The following ERICH3 variants were observed in gnomAD, a reference collection of about 807,000 sequenced individuals.
ERICH3 encodes the protein glutamate rich 3.
Under a neutral mutation model 131.1 loss-of-function variants are expected in ERICH3, and 126 were observed. The ratio of observed to expected loss-of-function variants is 0.96; its 90% CI spans 0.83 to 1.11. The LOEUF (loss-of-function observed/expected upper bound fraction) is 1.11, where lower values mean the gene tolerates loss of function less well. Ranked by LOEUF, ERICH3 falls within the 50% of genes most tolerant of loss-of-function variation. ERICH3 has a pLI of 0.00. For missense variants in ERICH3, 2,050 were observed against 1,810.7 expected, an observed-to-expected ratio of 1.13 and a Z score of -2.40; for synonymous variants, 695 against 644.6, an observed-to-expected ratio of 1.08 and a Z score of -1.18.
intron 8 of ERICH3, among the ~76,000 whole-genome samples, chr1:74,617,177 A>AC (rs1187642648): frequency 1.3e-5 from 2 of 150,632 alleles, no homozygotes; most frequent in Non-Finnish European, 3.0e-5. Context: ...AAACAAACAA[A>AC]AAAAAAAAAA....
intron 12 of ERICH3, chr1:74,579,462 C>A: frequency 1.0e-6 from 1 of 985,282 alleles, no homozygotes; most frequent in Non-Finnish European, 1.2e-6. Flanking sequence ...CACCACTTGC[C>A]CACGTCTGCT....
intron 4 of ERICH3, among the ~76,000 whole-genome samples, 194 bp downstream of exon 4, chr1:74,642,833 A>G (rs1646447984): frequency 6.6e-6 from 1 of 152,138 alleles, no homozygotes; most frequent in African/African-American, 2.4e-5. Flanking sequence ...TATTTTGTAC[A>G]AACAGCTCCT....
intron 5 of ERICH3, among the ~76,000 whole-genome samples, chr1:74,639,057 G>A (rs1256204117): frequency 6.6e-6 from 1 of 152,034 alleles, no homozygotes; most frequent in African/African-American, 2.4e-5. Flanking sequence ...GCAGGATTTG[G>A]TTTAAAGAAA....
chr1:74,670,499 A>G (rs773614811), intron 1 of ERICH3, among the ~76,000 whole-genome samples: 2 of 152,204 alleles, frequency 1.3e-5, no homozygotes, highest in South Asian at 4.1e-4. Flanking sequence ...CAGCAGAGGA[A>G]CATAAATTGT....
At chr1:74,591,982 T>C (rs1178833606) in intron 11 of ERICH3, 2 of 152,128 alleles carry the variant, frequency 1.3e-5, no homozygotes, top group Admixed American at 1.3e-4. Flanking sequence ...AGATAAAAAA[T>C]ACCTGTCTTT....
chr1:74,583,352 T>C (rs1333471758), intron 12 of ERICH3, among the ~76,000 whole-genome samples: 1 of 152,166 alleles, frequency 6.6e-6, no homozygotes, highest in Non-Finnish European at 1.5e-5. Flanking sequence ...CTTTTTCCTA[T>C]ACATGCCTCC....
At chr1:74,639,699 T>C (rs762609888) in intron 5 of ERICH3, among the ~76,000 whole-genome samples, 3 of 152,178 alleles carry the variant, frequency 2.0e-5, no homozygotes, top group Non-Finnish European at 2.9e-5. Flanking sequence ...ATCGTTTTAA[T>C]GGGAGTGGTA....
intron 11 of ERICH3, among the ~76,000 whole-genome samples, 175 bp from the exon 12 acceptor site, chr1:74,590,255 G>C (rs1471869406): frequency 6.6e-6 from 1 of 152,112 alleles, no homozygotes; most frequent in Non-Finnish European, 1.5e-5. Context: ...TTATACCAGG[G>C]AGTGGTTTCA....
Position 74,571,621 on chromosome 1 carries a change from C to T in ERICH3, c.4089G>A (p.Ser1363=). 4 of 1,614,146 alleles carry T rather than the reference C, an allele frequency of 2.5e-6. No individual in the cohort carries two copies. Among genetic ancestry groups the T allele is most frequent in the Non-Finnish European group, 3.4e-6 (4 of 1,180,016 alleles). ...CTATTGTTTTCTCCTCGGCTGTCTC[C>T]GAACCTGCCAACACCTCCCTCTCCT... ...AAEEREVLAG[S]ETAEEKTIAN... is the part of the protein sequence containing the mutation. The change falls in exon 14 of 15, where the codon TCG becomes TCA. Residue 1363 remains serine (S), a synonymous_variant. Transcript: ENST00000326665.
intron 12 of ERICH3, chr1:74,586,324 T>G (rs1019154985): frequency 1.2e-6 from 1 of 839,090 alleles, no homozygotes; most frequent in African/African-American, 1.9e-5. Context: ...AAATAACATA[T>G]GTATATGTAT....
At chr1:74,643,788 TG>T (rs1316155987) in intron 3 of ERICH3, among the ~76,000 whole-genome samples, 1 of 152,104 alleles carries the variant, frequency 6.6e-6, no homozygotes, top group Admixed American at 6.6e-5. Flanking sequence ...GGGGAGGAGC[TG>T]TAATTTCAAC....
chr1:74,614,687 A>C (rs975025999), intron 8 of ERICH3, among the ~76,000 whole-genome samples: 1 of 151,980 alleles, frequency 6.6e-6, no homozygotes. Flanking sequence ...AAAAAAAAAA[A>C]AAAAACTCTA....
intron 1 of ERICH3, among the ~76,000 whole-genome samples, chr1:74,665,495 C>T (rs914857501): frequency 6.6e-6 from 1 of 152,180 alleles, no homozygotes; most frequent in Non-Finnish European, 1.5e-5. Flanking sequence ...TCAACAGCTA[C>T]AAACAGGTTG....
intron 1 of ERICH3, among the ~76,000 whole-genome samples, chr1:74,658,067 T>C (rs10789399): frequency 0.43 from 65,109 of 151,946 alleles, 15,003 homozygotes; most frequent in Non-Finnish European, 0.52. Flanking sequence ...TGTGAATTAG[T>C]ATTATCTTCC....
chr1:74,597,429 A>T (rs1647907215), intron 11 of ERICH3, among the ~76,000 whole-genome samples: 2 of 152,200 alleles, frequency 1.3e-5, no homozygotes, highest in South Asian at 4.1e-4. Flanking sequence ...TTAATGAAAC[A>T]ACAAAAGAAA....
intron 2 of ERICH3, 78 bp from the exon 3 acceptor site, chr1:74,646,870 A>T: frequency 3.9e-5 from 18 of 460,262 alleles, no homozygotes; most frequent in East Asian, 8.3e-5. Context: ...GGGAGGCTGG[A>T]GGGTGGAGAA....
chr1:74,648,783 GTAAT>G (rs1003588539), intron 2 of ERICH3, among the ~76,000 whole-genome samples: 4 of 152,118 alleles, frequency 2.6e-5, no homozygotes, highest in African/African-American at 9.7e-5. Context: ...ATCACAGGAA[GTAAT>G]TGTTTTTAAA....
At chr1:74,595,000 A>C (rs1647780988) in intron 11 of ERICH3, among the ~76,000 whole-genome samples, 1 of 152,130 alleles carries the variant, frequency 6.6e-6, no homozygotes, top group African/African-American at 2.4e-5. Flanking sequence ...GTGGATCCCA[A>C]CCCAGTGGAT....
Position 74,572,325 on chromosome 1 carries a change from C to T in ERICH3, c.3385G>A (p.Glu1129Lys), listed in dbSNP as rs866558257. The T allele has an allele frequency of 1.2e-6, 2 of 1,613,906 alleles. No homozygotes were observed. The highest frequency in any genetic ancestry group is 1.7e-6 in the Non-Finnish European group (2 of 1,179,982). The change falls in exon 14 of 15, where the codon GAA (glutamate) becomes AAA (lysine). Residue 1129 changes from glutamate (E) to lysine (K), a missense_variant. By Grantham distance (56) the Glu-to-Lys change is moderately conservative (BLOSUM62 1). Transcript: ENST00000326665. ...PNEMGSDAEN[E>K]APVEASELSD... ...AACTCAGAAGCCTCCACAGGTGCTT[C>T]GTTCTCAGCATCAGATCCCATTTCA... is the stretch of plus-strand genomic sequence containing the variant.
Sources: allele counts gnomAD v4.1 joint callset (sites outside exome capture counted in the v4.1 genomes callset), GRCh38; gene constraint gnomAD v4.1.1; transcripts MANE v1.5; gene names NCBI Gene and HGNC (gene_info 2026-07-23, HGNC 2026-07-21).